STAG1: variants seen among roughly 807,000 people sequenced by gnomAD.
STAG1 encodes the protein STAG1 cohesin complex component.
A neutral mutation model predicts 170.9 loss-of-function variants in STAG1; 26 were observed. That is an observed-to-expected ratio of 0.15 (90% CI 0.11 to 0.21). STAG1 has a LOEUF of 0.21. STAG1 is among the 10% of genes least tolerant of loss of function. The pLI is 1.00. For missense variants in STAG1, 964 were observed against 1,509.5 expected (o/e 0.64, Z 5.99); for synonymous variants, 514 against 497.7 (o/e 1.03, Z -0.44).
chr3:136,555,828 T>C (rs1351239203), intron 5 of STAG1, among the ~76,000 whole-genome samples: 1 of 150,496 alleles, frequency 6.6e-6, no homozygotes, highest in Non-Finnish European at 1.5e-5. Context: ...TGGAAAGAAA[T>C]AATTCCAAAA....
chr3:136,543,772 G>A (rs1936020193), intron 5 of STAG1, among the ~76,000 whole-genome samples: 1 of 152,074 alleles, frequency 6.6e-6, no homozygotes, highest in Admixed American at 6.6e-5. Context: ...CTTAGCACAT[G>A]GGAAACATTC....
At chr3:136,610,497 T>C (rs1390983052) in intron 3 of STAG1, among the ~76,000 whole-genome samples, 1 of 152,216 alleles carries the variant, frequency 6.6e-6, no homozygotes, top group African/African-American at 2.4e-5. Context: ...TTTGAGTATG[T>C]TGTGTATATG....
intron 9 of STAG1, among the ~76,000 whole-genome samples, chr3:136,493,109 AG>A (rs1225708646): frequency 2.6e-5 from 4 of 152,196 alleles, no homozygotes; most frequent in Admixed American, 6.5e-5. Flanking sequence ...TGGGAGGCTG[AG>A]GGTGGTAAAT....
intron 16 of STAG1, among the ~76,000 whole-genome samples, chr3:136,428,883 C>T (rs1298665753): frequency 1.3e-5 from 2 of 152,164 alleles, no homozygotes; most frequent in African/African-American, 4.8e-5. Context: ...GTCTGTAATC[C>T]CCGCACTGTG....
intron 3 of STAG1, among the ~76,000 whole-genome samples, chr3:136,605,976 T>C: frequency 6.6e-6 from 1 of 152,192 alleles, no homozygotes; most frequent in Non-Finnish European, 1.5e-5. Context: ...CTCTAACCAT[T>C]TCTGTGTGTG....
chr3:136,712,015 CTT>C (rs923457852), intron 1 of STAG1, among the ~76,000 whole-genome samples: 1 of 152,010 alleles, frequency 6.6e-6, no homozygotes, highest in African/African-American at 2.4e-5. Context: ...ATTCAGATAA[CTT>C]TTTTTGTTTG....
intron 6 of STAG1, among the ~76,000 whole-genome samples, chr3:136,541,841 A>G: frequency 6.6e-6 from 1 of 152,120 alleles, no homozygotes; most frequent in Non-Finnish European, 1.5e-5. Context: ...TAAATTTGGG[A>G]ATTTGAGATG....
intron 1 of STAG1, among the ~76,000 whole-genome samples, chr3:136,702,622 G>A (rs1188986462): frequency 2.0e-5 from 3 of 152,112 alleles, no homozygotes; most frequent in African/African-American, 7.2e-5. Context: ...CTGACCTGAG[G>A]TGATCCACCC....
At chr3:136,432,132 GATA>G (rs908859203) in intron 16 of STAG1, among the ~76,000 whole-genome samples, 2 of 152,010 alleles carry the variant, frequency 1.3e-5, no homozygotes, top group African/African-American at 2.4e-5. Context: ...CTTCAGAATG[GATA>G]ATTTCTATTA....
intron 9 of STAG1, among the ~76,000 whole-genome samples, chr3:136,498,403 C>T (rs1464181499): frequency 6.8e-6 from 1 of 147,780 alleles, no homozygotes; most frequent in Non-Finnish European, 1.5e-5. Context: ...AAAAAAAAAA[C>T]CCAGATATGT....
intron 1 of STAG1, among the ~76,000 whole-genome samples, chr3:136,645,407 A>G (rs1053712082): frequency 3.1e-4 from 47 of 152,094 alleles, no homozygotes; most frequent in Non-Finnish European, 4.4e-5. Flanking sequence ...GGTAAGTTTC[A>G]TTGACTTCAG....
intron 23 of STAG1, among the ~76,000 whole-genome samples, chr3:136,370,149 GAAA>G (rs1937252371): frequency 6.6e-6 from 1 of 151,764 alleles, no homozygotes; most frequent in African/African-American, 2.4e-5. Flanking sequence ...TCCTACTTAT[GAAA>G]AAAATTAACT....
At chr3:136,509,564 T>C (rs1432350961) in intron 7 of STAG1, among the ~76,000 whole-genome samples, 2 of 151,732 alleles carry the variant, frequency 1.3e-5, no homozygotes, top group Non-Finnish European at 2.9e-5. Context: ...GTAATTATAA[T>C]AAAGAATGAT....
chr3:136,485,598 G>A (rs994957897), intron 9 of STAG1, among the ~76,000 whole-genome samples: 1 of 152,202 alleles, frequency 6.6e-6, no homozygotes, highest in Non-Finnish European at 1.5e-5. Context: ...ACAATATAAT[G>A]AATAACTGCA....
At chr3:136,749,139 G>C (rs1000146663) in intron 1 of STAG1, among the ~76,000 whole-genome samples, 1 of 152,138 alleles carries the variant, frequency 6.6e-6, no homozygotes, top group Non-Finnish European at 1.5e-5. Flanking sequence ...ATATCATTAC[G>C]GTGATTATAT....
chr3:136,605,958 T>TA lies in STAG1; in HGVS notation c.133-1486dup, dbSNP rs551865014. Among the ~76,000 whole-genome samples, 202 of 152,324 alleles carry TA rather than the reference T, an allele frequency of 1.3e-3. 1 individual carries two copies. Among genetic ancestry groups the TA allele is most frequent in the African/African-American group, 4.7e-3 (197 of 41,578 alleles). On this transcript the variant is annotated intron_variant, in intron 3 of 33. Coordinates refer to ENST00000383202, the MANE Select transcript of STAG1 (RefSeq NM_005862.3). The stretch of plus-strand genomic sequence containing the variant: ...TCCTCTTTTCACTTCTGTTAGTAGT[T>TA]AATGGCCCTCTAACCATTTCTGTGT...
chr3:136,637,786 G>A (rs1180640627), intron 1 of STAG1, among the ~76,000 whole-genome samples: 1 of 152,120 alleles, frequency 6.6e-6, no homozygotes, highest in African/African-American at 2.4e-5. Context: ...AGCTACAGGA[G>A]GAAGACAAAA....
chr3:136,425,847 T>A (rs964293295), intron 16 of STAG1, among the ~76,000 whole-genome samples: 1 of 151,488 alleles, frequency 6.6e-6, no homozygotes, highest in African/African-American at 2.4e-5. Flanking sequence ...AAGGGGCTTA[T>A]CACTAGTCAA....
chr3:136,630,173 C>CA (rs1268857966), intron 2 of STAG1, among the ~76,000 whole-genome samples: 1 of 151,980 alleles, frequency 6.6e-6, no homozygotes, highest in African/African-American at 2.4e-5. Flanking sequence ...CCAGCATGGG[C>CA]AACAGTGGAA....
Sources: gnomAD v4.1 joint callset for allele counts (sites outside exome capture counted in the v4.1 genomes callset) on GRCh38, gnomAD v4.1.1 for gene constraint, MANE v1.5 for transcripts, NCBI Gene and HGNC (gene_info 2026-07-23, HGNC 2026-07-21) for gene names.